ABCC8: variants seen among roughly 807,000 people sequenced by gnomAD.
The protein encoded by ABCC8 is ATP binding cassette subfamily C member 8.
In ABCC8, 137 loss-of-function variants were observed where a neutral mutation model predicts 188.0. The ratio of observed to expected loss-of-function variants is 0.73; its 90% CI spans 0.63 to 0.84. The LOEUF (loss-of-function observed/expected upper bound fraction) is 0.84, where lower values mean the gene tolerates loss of function less well. Among genes scored for constraint, ABCC8 ranks in the 40% least tolerant of loss-of-function variants. The probability of loss-of-function intolerance (pLI) is 0.00; values close to 1 mark genes in which losing one functional copy is unlikely to be tolerated. For synonymous variants in ABCC8, 797 were observed against 846.5 expected (o/e 0.94, Z 1.01); for missense variants, 1,750 against 2,072.7 (o/e 0.84, Z 3.02).
chr11:17,427,253 C>T lies in ABCC8; in HGVS notation c.2117-99G>A. ...AGACAGATGCACCCAACCCTGGGGC[C>T]CCTGTTTTCTTTCTTCCTACCTAGA... On this transcript the variant is annotated intron_variant, in intron 15 of 38. Transcript: ENST00000389817. The surrounding 1 kb of genome is among the most constrained non-coding windows in gnomAD (Gnocchi z 5.0). 7.2e-7 allele frequency: 1 copy of T among 1,382,344 alleles called. No homozygotes were observed. The highest frequency in any genetic ancestry group is 9.4e-7 in the Non-Finnish European group (1 of 1,069,508). 85.6% of individuals were successfully genotyped at this position (1,382,344 alleles called of 1,614,324 possible).
Position 17,430,835 on chromosome 11 carries a change from G to A in ABCC8, c.1796C>T (p.Ser599Phe). 6.2e-7 allele frequency: 1 copy of A among 1,614,214 alleles called. No individual in the cohort carries two copies. Among genetic ancestry groups the A allele is most frequent in the Non-Finnish European group, 8.5e-7 (1 of 1,180,042 alleles). ...PLFLLSSVVR[S>F]TVKALVSVQK... ...TCACCTCACTAGAGCTTTGACGGTA[G>A]ATCGGACCACACTGGACAGCAGGAA... Residue 599 changes from serine to phenylalanine, a missense_variant, in exon 12 of 39, where the codon TCT becomes TTT. Transcript: ENST00000389817.
intron 31 of ABCC8, 170 bp from the exon 32 acceptor site, chr11:17,397,483 A>T (rs534236077): frequency 3.4e-6 from 5 of 1,452,660 alleles, no homozygotes; most frequent in South Asian, 1.2e-5. Context: ...AGGGTCAGTC[A>T]TGTGGCTCCC....
At chr11:17,393,169 A>T in intron 38 of ABCC8, 41 bp from the exon 39 acceptor site, 1 of 1,610,162 alleles carries the variant, frequency 6.2e-7, no homozygotes, top group East Asian at 2.2e-5. Context: ...TGGTGGGAAT[A>T]CCACCCGCGG....
intron 21 of ABCC8, among the ~76,000 whole-genome samples, chr11:17,412,252 T>G (rs1448978054): frequency 6.6e-6 from 1 of 152,232 alleles, no homozygotes; most frequent in Admixed American, 6.5e-5. Context: ...AGAAGGATTC[T>G]GAGGATGAGT....
chr11:17,431,067 G>A (rs1379449377), intron 11 of ABCC8, 108 bp from the exon 12 acceptor site: 16 of 1,518,984 alleles, frequency 1.1e-5, no homozygotes, highest in African/African-American at 4.2e-5. Context: ...CAGGGAGCAG[G>A]CTCCTAAGAG....
At chr11:17,428,483 G>C in intron 13 of ABCC8, 78 bp from the exon 14 acceptor site, 5 of 1,603,302 alleles carry the variant, frequency 3.1e-6, no homozygotes, top group Non-Finnish European at 4.3e-6. Flanking sequence ...TGGGAAAAAA[G>C]GCAGAAGTCC....
chr11:17,414,091 T>C (rs1954947052), intron 19 of ABCC8, among the ~76,000 whole-genome samples: 1 of 152,210 alleles, frequency 6.6e-6, no homozygotes, highest in African/African-American at 2.4e-5. Context: ...CTGAGGTTGT[T>C]GTAAGCATGA....
At position 17,397,732 on chromosome 11, in the gene ABCC8, C is replaced by T. The variant is rs1799859; in HGVS notation, c.3819G>A (p.Arg1273=). Reference sequence around the variant, plus strand: ...GGCCCACCAGGCCAGCAGAGAGCTCCCTGTGCAGGGAGTTGGAGATGGAGG... The same window carrying T: ...GGCCCACCAGGCCAGCAGAGAGCTCTCTGTGCAGGGAGTTGGAGATGGAGG... ...AVTSISNSLH[R]ELSAGLVGLG... is the part of the protein sequence containing the mutation. Residue 1273 remains arginine, a synonymous_variant, in exon 31 of 39, where the codon AGG becomes AGA. Coordinates refer to ENST00000389817, the MANE Select transcript of ABCC8 (RefSeq NM_000352.6). The T allele has an allele frequency of 0.29, 465,794 of 1,613,552 alleles. 76,946 individuals are homozygous for T. Among genetic ancestry groups the T allele is most frequent in the African/African-American group, 0.71 (53,545 of 74,992 alleles).
chr11:17,393,511 C>T (rs879847441), intron 38 of ABCC8, among the ~76,000 whole-genome samples, 186 bp downstream of exon 38: 4 of 152,150 alleles, frequency 2.6e-5, no homozygotes, highest in Non-Finnish European at 4.4e-5. Context: ...CAAAACCCCC[C>T]ACCCCAAATC....
chr11:17,410,350 G>A, intron 22 of ABCC8, 166 bp downstream of exon 22: 1 of 768,506 alleles, frequency 1.3e-6, no homozygotes, highest in Non-Finnish European at 2.2e-6. Flanking sequence ...GGCCTGTACA[G>A]GGTCTCCCTG....
At chr11:17,430,719 G>A (rs560501292) in intron 12 of ABCC8, 95 bp downstream of exon 12, 3 of 1,416,654 alleles carry the variant, frequency 2.1e-6, no homozygotes, top group Non-Finnish European at 2.0e-6. Flanking sequence ...TGTGTTCCGG[G>A]ACCAAACAGC....
At chr11:17,460,217 C>T (rs2133672553) in intron 6 of ABCC8, among the ~76,000 whole-genome samples, 1 of 152,376 alleles carries the variant, frequency 6.6e-6, no homozygotes, top group South Asian at 2.1e-4. Flanking sequence ...GCACTTCCTG[C>T]AGTTTTCGGA....
chr11:17,476,178 T>C (rs1848760168), intron 1 of ABCC8, among the ~76,000 whole-genome samples: 1 of 152,084 alleles, frequency 6.6e-6, no homozygotes, highest in South Asian at 2.1e-4. Flanking sequence ...TGGGCCTCCA[T>C]CCCAGACTCC....
At chr11:17,451,452 G>GCTGCACAGGTTGTGCA (rs1416223578) in intron 7 of ABCC8, among the ~76,000 whole-genome samples, 2 of 152,334 alleles carry the variant, frequency 1.3e-5, no homozygotes, top group African/African-American at 4.8e-5. Flanking sequence ...GCCATATATA[G>GCTGCACAGGTTGTGCA]CTGCACAGGT....
Position 17,424,133 on chromosome 11 carries a change from G to A in ABCC8, c.2222+2916C>T, listed in dbSNP as rs976196962. Among the ~76,000 whole-genome samples the A allele has an allele frequency of 3.4e-4, 51 of 152,208 alleles. 1 individual carries two copies. The highest frequency in any genetic ancestry group is 3.4e-3 in the Middle Eastern group (1 of 294). On this transcript the variant is annotated intron_variant, in intron 16 of 38. Coordinates refer to ENST00000389817, the MANE Select transcript of ABCC8 (RefSeq NM_000352.6). ...GAACAATGAGAACACGTGGACACAG[G>A]GAGGGGAACATCACATACCGAGCCT...
chr11:17,453,457 C>T (rs966352801), intron 6 of ABCC8, 174 bp from the exon 7 acceptor site: 13 of 386,994 alleles, frequency 3.4e-5, no homozygotes, highest in Non-Finnish European at 4.6e-5. Context: ...TCCAACTAAA[C>T]GTTTTTCTAA....
At chr11:17,398,273 C>T (rs951841532) in intron 30 of ABCC8, 66 bp downstream of exon 30, 31 of 1,579,920 alleles carry the variant, frequency 2.0e-5, no homozygotes, top group Non-Finnish European at 1.5e-5. Context: ...TCCCCAGGTA[C>T]CTGTGTGCTC....
chr11:17,452,628 C>CT (rs2133639718), intron 7 of ABCC8, among the ~76,000 whole-genome samples: 1 of 152,318 alleles, frequency 6.6e-6, no homozygotes, highest in African/African-American at 2.4e-5. Flanking sequence ...TGATGTGTGG[C>CT]TCAGTTCCTA....
chr11:17,441,662 C>G (rs2237978), intron 10 of ABCC8, among the ~76,000 whole-genome samples: 2 of 151,976 alleles, frequency 1.3e-5, no homozygotes, highest in South Asian at 4.2e-4. Flanking sequence ...CACGGAGCCA[C>G]GAGACCAACT....
Sources: gnomAD v4.1 joint callset for allele counts (sites outside exome capture counted in the v4.1 genomes callset) on GRCh38, gnomAD v4.1.1 for gene constraint, Gnocchi (gnomAD v3.1) non-coding constraint, MANE v1.5 for transcripts, NCBI Gene and HGNC (gene_info 2026-07-23, HGNC 2026-07-21) for gene names.